PCDH15: variants seen among roughly 807,000 people sequenced by gnomAD.
PCDH15 encodes the protein protocadherin-15.
Under a neutral mutation model 178.5 loss-of-function variants are expected in PCDH15, and 129 were observed. That is an observed-to-expected ratio of 0.72 (90% confidence interval 0.63 to 0.84). The LOEUF is 0.84. Ranked by LOEUF, PCDH15 falls within the 40% of genes least tolerant of loss-of-function variation. PCDH15 has a pLI of 0.00. For synonymous variants in PCDH15, 800 were observed against 732.0 expected, an observed-to-expected ratio of 1.09 and a Z score of -1.50; for missense variants, 2,230 against 2,099.9, an observed-to-expected ratio of 1.06 and a Z score of -1.21.
At chr10:54,750,958 T>C (rs1273703708) in intron 1 of PCDH15, among the ~76,000 whole-genome samples, 1 of 152,072 alleles carries the variant, frequency 6.6e-6, no homozygotes, top group Non-Finnish European at 1.5e-5. Flanking sequence ...CAGCTTTACA[T>C]GCACTGGCAA....
intron 3 of PCDH15, among the ~76,000 whole-genome samples, chr10:54,863,950 T>C (rs1953892331): frequency 6.6e-6 from 1 of 152,196 alleles, no homozygotes; most frequent in East Asian, 1.9e-4. Flanking sequence ...ACTTATTCTG[T>C]TAAATAACTG....
intron 2 of PCDH15, among the ~76,000 whole-genome samples, chr10:55,128,638 T>C (rs368981010): frequency 1.3e-5 from 2 of 152,166 alleles, no homozygotes; most frequent in Admixed American, 1.3e-4. Context: ...CTGACTGTCA[T>C]ACACTTATTC....
At chr10:53,846,023 T>TACACACACACACACACACACACAC in intron 28 of PCDH15, among the ~76,000 whole-genome samples, 2 of 147,144 alleles carry the variant, frequency 1.4e-5, no homozygotes, top group East Asian at 4.1e-4. Flanking sequence ...TGTATGTGTA[T>TACACACACACACACACACACACAC]ACACACACAC....
At chr10:54,113,133 C>T (rs1026332236) in intron 15 of PCDH15, among the ~76,000 whole-genome samples, 2 of 152,014 alleles carry the variant, frequency 1.3e-5, no homozygotes, top group East Asian at 1.9e-4. Flanking sequence ...GAAGTTTGGT[C>T]CTAGGAACTG....
intron 3 of PCDH15, among the ~76,000 whole-genome samples, chr10:54,441,178 A>G (rs1412517038): frequency 6.6e-6 from 1 of 151,926 alleles, no homozygotes; most frequent in Non-Finnish European, 1.5e-5. Context: ...GCTAGAAAAA[A>G]TATTAATGTG....
chr10:53,937,116 G>A (rs1301762742), intron 25 of PCDH15, among the ~76,000 whole-genome samples: 1 of 152,078 alleles, frequency 6.6e-6, no homozygotes, highest in South Asian at 2.1e-4. Flanking sequence ...CATGCATACT[G>A]GGGCACATGG....
chr10:54,932,257 G>A (rs1215134141), intron 2 of PCDH15, among the ~76,000 whole-genome samples: 1 of 152,168 alleles, frequency 6.6e-6, no homozygotes, highest in Non-Finnish European at 1.5e-5. Flanking sequence ...ACTTTCTAGT[G>A]GGATAAGATT....
intron 4 of PCDH15, among the ~76,000 whole-genome samples, chr10:54,374,488 A>G (rs1049362375): frequency 1.3e-5 from 2 of 152,022 alleles, no homozygotes; most frequent in African/African-American, 4.8e-5. Context: ...CATTATTATC[A>G]CATGCCCAAT....
intron 1 of PCDH15, among the ~76,000 whole-genome samples, chr10:54,700,832 G>A (rs1489564547): frequency 6.6e-6 from 1 of 151,878 alleles, no homozygotes; most frequent in African/African-American, 2.4e-5. Context: ...TCACCCAAGG[G>A]CCAACACTTA....
chr10:55,266,711 A>G (rs1321238332), intron 1 of PCDH15, among the ~76,000 whole-genome samples: 2 of 152,156 alleles, frequency 1.3e-5, no homozygotes, highest in Non-Finnish European at 2.9e-5. Flanking sequence ...AGAAAAGCAC[A>G]CTGACAGGTA....
chr10:54,642,589 A>C (rs1386392723), intron 2 of PCDH15, among the ~76,000 whole-genome samples: 1 of 152,198 alleles, frequency 6.6e-6, no homozygotes, highest in Non-Finnish European at 1.5e-5. Context: ...ATATATCAGC[A>C]TATTATATGT....
At chr10:55,156,884 G>A (rs910705479) in intron 2 of PCDH15, among the ~76,000 whole-genome samples, 2 of 152,114 alleles carry the variant, frequency 1.3e-5, no homozygotes, top group Non-Finnish European at 2.9e-5. Flanking sequence ...GAATAGGATA[G>A]GCTGAGATTA....
At chr10:55,459,372 C>T (rs949739413) in intron 2 of PCDH15, among the ~76,000 whole-genome samples, 2 of 151,974 alleles carry the variant, frequency 1.3e-5, no homozygotes, top group Non-Finnish European at 2.9e-5. Context: ...TTTTCTCCCG[C>T]TTATCTGAAA....
chr10:55,282,301 T>A (rs1842755492), intron 1 of PCDH15, among the ~76,000 whole-genome samples: 1 of 152,182 alleles, frequency 6.6e-6, no homozygotes, highest in Non-Finnish European at 1.5e-5. Context: ...CTGCTCTGCC[T>A]TCTCATCTCT....
At chr10:54,634,136 T>G (rs2093779585) in intron 2 of PCDH15, among the ~76,000 whole-genome samples, 1 of 151,948 alleles carries the variant, frequency 6.6e-6, no homozygotes, top group Admixed American at 6.6e-5. Flanking sequence ...CCAAAAACAA[T>G]ACTGCATTTC....
At chr10:54,661,413 A>C (rs1053082448) in intron 2 of PCDH15, among the ~76,000 whole-genome samples, 1 of 152,068 alleles carries the variant, frequency 6.6e-6, no homozygotes, top group African/African-American at 2.4e-5. Flanking sequence ...TGACAGAAGC[A>C]AGTGGAAAAA....
At chr10:54,758,368 T>A (rs1379236652) in intron 1 of PCDH15, among the ~76,000 whole-genome samples, 3 of 152,174 alleles carry the variant, frequency 2.0e-5, no homozygotes, top group South Asian at 2.1e-4. Flanking sequence ...AGCCACAAGA[T>A]CATGAGTGTA....
At chr10:55,431,901 T>C (rs1436327025) in intron 2 of PCDH15, among the ~76,000 whole-genome samples, 1 of 152,156 alleles carries the variant, frequency 6.6e-6, no homozygotes, top group Non-Finnish European at 1.5e-5. Flanking sequence ...CATTATTCTA[T>C]GTGTGAAGGT....
At chr10:54,704,392 G>T (rs1322368616) in intron 1 of PCDH15, among the ~76,000 whole-genome samples, 1 of 151,914 alleles carries the variant, frequency 6.6e-6, no homozygotes, top group Non-Finnish European at 1.5e-5. Context: ...GAATGGGAGA[G>T]AATATTTGCA....
Sources: gnomAD v4.1 joint callset for allele counts (sites outside exome capture counted in the v4.1 genomes callset) on GRCh38, gnomAD v4.1.1 for gene constraint, MANE v1.5 for transcripts, NCBI Gene and HGNC (gene_info 2026-07-23, HGNC 2026-07-21) for gene names.